The following CHODL variants were observed in gnomAD, a reference collection of about 807,000 sequenced individuals.
CHODL encodes transmembrane protein MT75.
In CHODL, 29 loss-of-function variants were observed where a neutral mutation model predicts 34.5. The ratio of observed to expected loss-of-function variants is 0.84; its 90% CI spans 0.63 to 1.15. The LOEUF is 1.15. Among genes scored for constraint, CHODL ranks in the 50% most tolerant of loss-of-function variants. The pLI, the probability that CHODL is intolerant of heterozygous loss-of-function variation, is 0.00. For missense variants in CHODL, 332 were observed against 332.5 expected, an observed-to-expected ratio of 1.00 and a Z score of 0.01; for synonymous variants, 125 against 116.1, an observed-to-expected ratio of 1.08 and a Z score of -0.49.
At chr21:18,158,379 T>C (rs2073057598) in intron 2 of CHODL, among the ~76,000 whole-genome samples, 1 of 152,208 alleles carries the variant, frequency 6.6e-6, no homozygotes, top group Admixed American at 6.5e-5. Flanking sequence ...AAAGTCATTA[T>C]TGATGTTGCT....
chr21:17,940,575 C>T (rs1314807719), intron 1 of CHODL, among the ~76,000 whole-genome samples: 1 of 152,142 alleles, frequency 6.6e-6, no homozygotes, highest in Non-Finnish European at 1.5e-5. Context: ...ATGGAGGCCC[C>T]TGGGATTCTG....
intron 2 of CHODL, among the ~76,000 whole-genome samples, chr21:18,213,841 G>A (rs1236998851): frequency 6.6e-6 from 1 of 152,048 alleles, no homozygotes; most frequent in African/African-American, 2.4e-5. Flanking sequence ...AAGTCAAAAT[G>A]AGTTTATTTA....
At chr21:18,188,518 T>C (rs1323037844) in intron 2 of CHODL, among the ~76,000 whole-genome samples, 2 of 152,200 alleles carry the variant, frequency 1.3e-5, no homozygotes, top group Admixed American at 6.5e-5. Flanking sequence ...GAAATCTTTA[T>C]TGATGATTAA....
At chr21:18,123,814 C>A (rs1417766606) in intron 2 of CHODL, among the ~76,000 whole-genome samples, 1 of 152,080 alleles carries the variant, frequency 6.6e-6, no homozygotes, top group Non-Finnish European at 1.5e-5. Flanking sequence ...ACAGCCCCAG[C>A]CCATGGAATT....
intron 2 of CHODL, among the ~76,000 whole-genome samples, chr21:18,158,641 C>G (rs1273944882): frequency 6.6e-6 from 1 of 151,976 alleles, no homozygotes; most frequent in African/African-American, 2.4e-5. Context: ...AGTTCAAGAC[C>G]AGACTGGCCA....
intron 2 of CHODL, among the ~76,000 whole-genome samples, chr21:18,231,038 C>A (rs73204828): frequency 0.073 from 11,160 of 152,092 alleles, 510 homozygotes; most frequent in Non-Finnish European, 0.1. Context: ...GTAGCCCCGA[C>A]CATGGGCGGA....
At chr21:18,142,363 G>A (rs1445383389) in intron 2 of CHODL, among the ~76,000 whole-genome samples, 5 of 152,074 alleles carry the variant, frequency 3.3e-5, no homozygotes, top group African/African-American at 9.7e-5. Context: ...CTGTGCCATC[G>A]ATCAACCTAC....
Position 18,257,050 on chromosome 21 carries a change from T to G in CHODL, c.470T>G (p.Leu157Arg), listed in dbSNP as rs1321543769. The G allele has an allele frequency of 6.2e-7, 1 of 1,614,006 alleles. No individual in the cohort carries two copies. The highest frequency in any genetic ancestry group is 1.1e-5 in the South Asian group (1 of 91,084). Residue 157 changes from leucine to arginine, a missense_variant, in exon 3 of 6, where the codon CTT (leucine) becomes CGT (arginine). By Grantham distance (102) the Leu-to-Arg change is moderately radical. Coordinates refer to ENST00000299295, the MANE Select transcript of CHODL (RefSeq NM_024944.3). The part of the protein sequence containing the change: ...MYHQPTANPG[L>R]GGPYLYQWND... ...CACCAACCAACTGCCAATCCTGGCC[T>G]TGGGGGTCCCTACCTTTACCAGTGG...
intron 4 of CHODL, among the ~76,000 whole-genome samples, chr21:18,262,436 C>G (rs894211372): frequency 6.6e-6 from 1 of 152,124 alleles, no homozygotes; most frequent in Non-Finnish European, 1.5e-5. Context: ...TGTTACTATA[C>G]TGAATGCTGT....
intron 2 of CHODL, among the ~76,000 whole-genome samples, chr21:18,129,743 A>C (rs1051521755): frequency 6.6e-6 from 1 of 152,172 alleles, no homozygotes. Flanking sequence ...TCCGGGGGAA[A>C]TCATATTTGG....
At chr21:18,176,224 T>G (rs1393154706) in intron 2 of CHODL, among the ~76,000 whole-genome samples, 1 of 152,050 alleles carries the variant, frequency 6.6e-6, no homozygotes, top group Admixed American at 6.6e-5. Context: ...AAGAAATATG[T>G]GAAAAAGAAG....
intron 2 of CHODL, among the ~76,000 whole-genome samples, chr21:18,099,446 A>T (rs1191177146): frequency 6.6e-6 from 1 of 151,576 alleles, no homozygotes. Flanking sequence ...ACTAAAAAGG[A>T]ATATAGTTTA....
intron 1 of CHODL, among the ~76,000 whole-genome samples, chr21:18,248,746 A>T (rs1415329942): frequency 9.1e-6 from 1 of 109,734 alleles, no homozygotes; most frequent in Non-Finnish European, 1.7e-5. Context: ...TATATGTATA[A>T]TATATATGTA....
chr21:18,215,204 A>T (rs1408245043), intron 2 of CHODL, among the ~76,000 whole-genome samples: 1 of 151,842 alleles, frequency 6.6e-6, no homozygotes, highest in African/African-American at 2.4e-5. Flanking sequence ...AACATGAAAA[A>T]AAAAAAAAGG....
intron 1 of CHODL, among the ~76,000 whole-genome samples, chr21:17,987,846 T>C (rs910065924): frequency 2.6e-5 from 4 of 152,170 alleles, no homozygotes; most frequent in African/African-American, 9.7e-5. Flanking sequence ...ATGTCTATTA[T>C]GTATTTAATG....
At chr21:17,919,286 A>T (rs185286720) in intron 1 of CHODL, among the ~76,000 whole-genome samples, 7 of 152,300 alleles carry the variant, frequency 4.6e-5, no homozygotes, top group Non-Finnish European at 8.8e-5. Flanking sequence ...GAGGTTCTCC[A>T]TGAGCACTCT....
rs992041578 is a variant in CHODL at position 18,100,914 on chromosome 21, C to T, written c.-45+72943C>T. 4.4e-4 allele frequency among the ~76,000 whole-genome samples: 67 copies of T among 152,038 alleles called. 1 individual carries two copies. The highest frequency in any genetic ancestry group is 4.4e-5 in the Non-Finnish European group (3 of 68,006). On this transcript the variant is annotated intron_variant, in intron 2 of 6. Coordinates refer to the CHODL transcript ENST00000400127. ...CCCAGTTTGGTAACTTCAGGCAAGTCAATGAGTATTTCAAAATCTCTGTCT... is the reference window on the plus strand; with the variant it reads ...CCCAGTTTGGTAACTTCAGGCAAGTTAATGAGTATTTCAAAATCTCTGTCT...
intron 1 of CHODL, among the ~76,000 whole-genome samples, chr21:18,254,378 C>A (rs981829550): frequency 6.6e-6 from 1 of 151,928 alleles, no homozygotes; most frequent in Non-Finnish European, 1.5e-5. Flanking sequence ...TTTTCCAGGT[C>A]CAAATCTAAG....
chr21:18,208,405 T>A lies in CHODL; in HGVS notation c.-44-48104T>A, dbSNP rs764997069. Among the ~76,000 whole-genome samples, 4 of 152,196 alleles carry A rather than the reference T, an allele frequency of 2.6e-5. No homozygotes were observed. In the South Asian group the frequency reaches 8.3e-4, roughly 32 times the overall value. On this transcript the variant is annotated intron_variant, in intron 2 of 6. Transcript: ENST00000400127. ...CTTCTCTGTGTTATCTTTAATTTCATTGAGTTTCCTTAAAAACAGCTACTT... is the reference window on the plus strand; with the variant it reads ...CTTCTCTGTGTTATCTTTAATTTCAATGAGTTTCCTTAAAAACAGCTACTT...
Sources: gnomAD v4.1 joint callset for allele counts (sites outside exome capture counted in the v4.1 genomes callset) on GRCh38, gnomAD v4.1.1 for gene constraint, MANE v1.5 for transcripts, NCBI Gene and HGNC (gene_info 2026-07-23, HGNC 2026-07-21) for gene names.